Variants in PEX7 observed in about 807,000 individuals in gnomAD.
The protein encoded by PEX7 is PTS2 receptor.
A neutral mutation model predicts 47.5 loss-of-function variants in PEX7; 34 were observed. That is an observed-to-expected ratio of 0.72 (90% CI 0.54 to 0.95). The LOEUF is 0.95. PEX7 is among the 40% of genes least tolerant of loss of function. PEX7 has a pLI of 0.00. For synonymous variants in PEX7, 141 were observed against 148.8 expected (o/e 0.95, Z 0.38); for missense variants, 394 against 400.3 (o/e 0.98, Z 0.13).
At chr6:136,910,223 T>C (rs1012783605) in intron 9 of PEX7, among the ~76,000 whole-genome samples, 10 of 152,168 alleles carry the variant, frequency 6.6e-5, no homozygotes, top group Non-Finnish European at 1.3e-4. Flanking sequence ...ATTCATTGAG[T>C]TATGTTCTAA....
Position 136,894,318 on chromosome 6 carries a change from A to T in PEX7, c.804-3824A>T, listed in dbSNP as rs191691554. ...CTAAAAATACAAAAATTAGCAGGGG[A>T]TGGTGGCACGTGCCTGTAATCCCAG... is the stretch of plus-strand genomic sequence containing the variant. On this transcript the variant is annotated intron_variant, in intron 8 of 9. Coordinates refer to ENST00000318471, the MANE Select transcript of PEX7 (RefSeq NM_000288.4). Among the ~76,000 whole-genome samples, 40 of 150,686 alleles carry T rather than the reference A, an allele frequency of 2.7e-4. 1 individual carries two copies. The highest frequency in any genetic ancestry group is 1.5e-3 in the South Asian group (7 of 4,758).
intron 5 of PEX7, chr6:136,855,712 A>G: frequency 2.8e-6 from 1 of 356,566 alleles, no homozygotes; most frequent in South Asian, 2.5e-5. Context: ...GTTTTCTCTG[A>G]CAGGATACAT....
At chr6:136,853,558 A>G (rs1582749652) in intron 5 of PEX7, among the ~76,000 whole-genome samples, 2 of 152,124 alleles carry the variant, frequency 1.3e-5, no homozygotes, top group African/African-American at 2.4e-5. Context: ...CTTTTTTCCC[A>G]TTTTATTTCA....
chr6:136,906,807 C>A (rs747169348), intron 9 of PEX7, among the ~76,000 whole-genome samples: 3 of 152,166 alleles, frequency 2.0e-5, no homozygotes, highest in Non-Finnish European at 4.4e-5. Context: ...TCTTGCCATA[C>A]TATTAAGTAC....
intron 9 of PEX7, among the ~76,000 whole-genome samples, chr6:136,912,268 A>G (rs1775945474): frequency 6.6e-6 from 1 of 150,662 alleles, no homozygotes; most frequent in Non-Finnish European, 1.5e-5. Flanking sequence ...ATTTTTGATT[A>G]TTACTTTTTG....
intron 9 of PEX7, among the ~76,000 whole-genome samples, chr6:136,904,279 T>TA (rs916861851): frequency 5.9e-5 from 9 of 152,222 alleles, no homozygotes; most frequent in African/African-American, 2.2e-4. Flanking sequence ...GATGCTTTCA[T>TA]AATTGTGTAA....
chr6:136,899,265 A>C (rs146034057), intron 9 of PEX7, among the ~76,000 whole-genome samples: 2,337 of 146,412 alleles, frequency 0.016, 71 homozygotes, highest in African/African-American at 0.056. Context: ...TTTTTTTGAC[A>C]GAGTTTTTGC....
intron 8 of PEX7, among the ~76,000 whole-genome samples, chr6:136,878,393 G>A (rs1760877188): frequency 6.6e-6 from 1 of 152,196 alleles, no homozygotes; most frequent in Admixed American, 6.5e-5. Context: ...GGTTTTCAAA[G>A]GGAATGGTTC....
intron 7 of PEX7, chr6:136,870,760 G>A (rs931847729): frequency 1.7e-5 from 7 of 403,900 alleles, no homozygotes; most frequent in Non-Finnish European, 2.5e-5. Context: ...ACCCAGACAC[G>A]ATCTCAGCTC....
At chr6:136,824,842 A>G (rs1774158438) in intron 1 of PEX7, among the ~76,000 whole-genome samples, 1 of 152,208 alleles carries the variant, frequency 6.6e-6, no homozygotes, top group African/African-American at 2.4e-5. Context: ...CTCATCTGTC[A>G]GTAGGAATGA....
intron 8 of PEX7, among the ~76,000 whole-genome samples, chr6:136,881,857 G>C (rs1775380864): frequency 6.6e-6 from 1 of 152,180 alleles, no homozygotes; most frequent in Non-Finnish European, 1.5e-5. Context: ...TAGTGCCCCT[G>C]GGGAGGGAGG....
intron 5 of PEX7, among the ~76,000 whole-genome samples, chr6:136,862,033 T>A (rs1452371705): frequency 7.0e-6 from 1 of 143,624 alleles, no homozygotes; most frequent in Non-Finnish European, 1.5e-5. Context: ...ATATATATAT[T>A]TTATATATAT....
In PEX7 at chr6:136,829,530, G is replaced by A. The variant is rs563306258; in HGVS notation, c.339+3061G>A. On this transcript the variant is annotated intron_variant, in intron 3 of 9. Coordinates refer to ENST00000318471, the MANE Select transcript of PEX7 (RefSeq NM_000288.4). Reference sequence around the variant, plus strand: ...CTGGGGGGTTAAGATTTCAACATGTGGGTTTTGTGGGGATATATTCAGTCC... The same window carrying A: ...CTGGGGGGTTAAGATTTCAACATGTAGGTTTTGTGGGGATATATTCAGTCC... Among the ~76,000 whole-genome samples the A allele has an allele frequency of 3.3e-4, 51 of 152,290 alleles. 1 individual carries two copies. The highest frequency in any genetic ancestry group is 1.2e-3 in the African/African-American group (48 of 41,540).
intron 8 of PEX7, among the ~76,000 whole-genome samples, chr6:136,873,796 T>C (rs1775221356): frequency 6.6e-6 from 1 of 152,204 alleles, no homozygotes; most frequent in South Asian, 2.1e-4. Flanking sequence ...TAAGAAAGTA[T>C]GCATGAATTC....
At chr6:136,858,786 G>T (rs940645220) in intron 5 of PEX7, among the ~76,000 whole-genome samples, 3 of 152,198 alleles carry the variant, frequency 2.0e-5, no homozygotes, top group Non-Finnish European at 4.4e-5. Context: ...ATTCAGAGAA[G>T]TGGTTGCTTT....
At chr6:136,831,774 C>G (rs1774297786) in intron 3 of PEX7, among the ~76,000 whole-genome samples, 1 of 152,256 alleles carries the variant, frequency 6.6e-6, no homozygotes, top group Non-Finnish European at 1.5e-5. Flanking sequence ...AATCTTAAAG[C>G]TCTGAAATGA....
At chr6:136,831,007 T>C (rs1774283729) in intron 3 of PEX7, among the ~76,000 whole-genome samples, 2 of 152,200 alleles carry the variant, frequency 1.3e-5, no homozygotes, top group South Asian at 4.1e-4. Flanking sequence ...AAAATCTTGT[T>C]TACTTTAAAA....
At chr6:136,873,832 G>A (rs1217080045) in intron 8 of PEX7, among the ~76,000 whole-genome samples, 3 of 152,014 alleles carry the variant, frequency 2.0e-5, no homozygotes, top group Non-Finnish European at 2.9e-5. Flanking sequence ...TTTTTAATTA[G>A]GAATGGGTCT....
Position 136,869,917 on chromosome 6 carries a change from T to C in PEX7, c.661T>C (p.Cys221Arg), listed in dbSNP as rs1215022514. ...ENLLVTGAVDCSLRGWDLRNV... is the reference protein window; with the variant it reads ...ENLLVTGAVDRSLRGWDLRNV... ...TTTGCTGGTGACCGGGGCGGTTGAC[T>C]GTAGTTTGAGAGGCTGGGACTTAAG... The change falls in exon 7 of 10, where the codon TGT (cysteine) becomes CGT (arginine). Residue 221 changes from cysteine (C) to arginine (R), a missense_variant. By Grantham distance (180) the Cys-to-Arg change is radical. Transcript: ENST00000318471. The C allele has an allele frequency of 1.9e-6, 3 of 1,613,978 alleles. No individual in the cohort carries two copies. The highest frequency in any genetic ancestry group is 1.7e-6 in the Non-Finnish European group (2 of 1,179,966).
Sources: allele counts gnomAD v4.1 joint callset (sites outside exome capture counted in the v4.1 genomes callset), GRCh38; gene constraint gnomAD v4.1.1; transcripts MANE v1.5; gene names NCBI Gene and HGNC (gene_info 2026-07-23, HGNC 2026-07-21).